The following TPO variants were observed in gnomAD, a reference collection of about 807,000 sequenced individuals.
The protein encoded by TPO is thyroid peroxidase.
TPO carries 78 observed loss-of-function variants against 96.9 expected under a neutral mutation model. The observed-to-expected ratio is 0.81, with a 90% CI of 0.67 to 0.97. TPO has a LOEUF of 0.97. TPO is among the 50% of genes least tolerant of loss of function. The pLI is 0.00. For synonymous variants in TPO, 547 were observed against 538.0 expected (o/e 1.02, Z -0.23); for missense variants, 1,252 against 1,274.8 (o/e 0.98, Z 0.27).
In TPO at chr2:1,496,155, A is replaced by T. The variant is rs732609; in HGVS notation, c.2173A>T (p.Thr725Ser). ...AGACTTTGAGTCTTGTGACAGCATC[A>T]CTGGCATGAACCTGGAGGCCTGGAG... ...PEDFESCDSI[T>S]GMNLEAWRET... Residue 725 changes from threonine (T) to serine (S), a missense_variant, in exon 12 of 17, where the codon ACT becomes TCT. Thr to Ser is a moderately conservative substitution (Grantham distance 58). Coordinates refer to ENST00000329066, the MANE Select transcript of TPO (RefSeq NM_001206744.2). 2 of 1,613,676 alleles carry T rather than the reference A, an allele frequency of 1.2e-6. No homozygotes were observed. The highest frequency in any genetic ancestry group is 2.2e-5 in the South Asian group (2 of 91,040).
chr2:1,398,854 G>T (rs569109160), intron 1 of TPO, among the ~76,000 whole-genome samples: 1 of 152,282 alleles, frequency 6.6e-6, no homozygotes, highest in South Asian at 2.1e-4. Context: ...CTCACCTGCA[G>T]CCATGACCCA....
At chr2:1,497,604 G>A (rs1476691268) in intron 13 of TPO, among the ~76,000 whole-genome samples, 2 of 152,146 alleles carry the variant, frequency 1.3e-5, no homozygotes, top group South Asian at 4.1e-4. Context: ...GGACAGTGGC[G>A]TCAGGGCAGG....
chr2:1,513,639 C>T (rs1674391361), intron 14 of TPO: 1 of 152,076 alleles, frequency 6.6e-6, no homozygotes, highest in South Asian at 2.1e-4. Context: ...TAGAGACATC[C>T]ATAGAGACAC....
At chr2:1,375,268 G>C (rs1477997795) in intron 1 of TPO, among the ~76,000 whole-genome samples, 1 of 152,064 alleles carries the variant, frequency 6.6e-6, no homozygotes, top group Admixed American at 6.6e-5. Flanking sequence ...TGGTGAACTG[G>C]GAAACTCACC....
At chr2:1,513,765 T>C (rs1013658737) in intron 14 of TPO, among the ~76,000 whole-genome samples, 1 of 152,188 alleles carries the variant, frequency 6.6e-6, no homozygotes, top group Non-Finnish European at 1.5e-5. Context: ...ATAACAAATA[T>C]GTAGACATAG....
intron 10 of TPO, 42 bp downstream of exon 10, chr2:1,488,033 C>A (rs776937928): frequency 6.2e-7 from 1 of 1,610,170 alleles, no homozygotes; most frequent in Admixed American, 1.7e-5. Context: ...GCAGCTGCTG[C>A]GGGATTTGCC....
intron 1 of TPO, among the ~76,000 whole-genome samples, chr2:1,387,306 T>C (rs1661919086): frequency 6.6e-6 from 1 of 152,232 alleles, no homozygotes; most frequent in Admixed American, 6.5e-5. Context: ...TGCAGAGTGT[T>C]TTCCAACTTG....
intron 7 of TPO, among the ~76,000 whole-genome samples, chr2:1,474,490 A>G (rs1272419874): frequency 3.9e-5 from 6 of 152,094 alleles, no homozygotes; most frequent in Admixed American, 3.9e-4. Context: ...CATCTTTTCC[A>G]TGGCTGAAAT....
intron 1 of TPO, among the ~76,000 whole-genome samples, chr2:1,387,643 G>T (rs1052205826): frequency 7.9e-5 from 12 of 152,106 alleles, no homozygotes; most frequent in Non-Finnish European, 1.0e-4. Context: ...TAACTTCTTT[G>T]CGATGGGCTC....
At chr2:1,482,312 G>A (rs1670726925) in intron 8 of TPO, among the ~76,000 whole-genome samples, 1 of 152,162 alleles carries the variant, frequency 6.6e-6, no homozygotes, top group Admixed American at 6.5e-5. Flanking sequence ...CATTCCCACT[G>A]GTGAGTTGTG....
In TPO at chr2:1,493,210, G is replaced by GGC. The variant is rs1553321284; in HGVS notation, c.1769-591_1769-590insCG. Among the ~76,000 whole-genome samples, 129 of 65,282 alleles carry GGC rather than the reference G, an allele frequency of 2.0e-3. 8 individuals are homozygous for GGC. Among genetic ancestry groups the GGC allele is most frequent in the Non-Finnish European group, 2.9e-3 (94 of 32,426 alleles). 42.8% of individuals were successfully genotyped at this position (65,282 alleles called of 152,430 possible). A position where few individuals can be genotyped will look rare whatever the true frequency, so the allele number is the denominator to read the frequency against. ...TTTGTGTGTGTGTGTGTGAGTGGGT[G>GGC]GGGGGGGGGGTGCTGGCTTCTGTGT... On this transcript the variant is annotated intron_variant, in intron 10 of 16. Coordinates refer to ENST00000329066, the MANE Select transcript of TPO (RefSeq NM_001206744.2).
chr2:1,380,554 T>C (rs189101092), intron 1 of TPO, among the ~76,000 whole-genome samples: 1 of 152,230 alleles, frequency 6.6e-6, no homozygotes, highest in East Asian at 1.9e-4. Context: ...TGGAAACTCA[T>C]GATGAAAAGA....
intron 3 of TPO, among the ~76,000 whole-genome samples, chr2:1,428,909 G>A (rs1664701073): frequency 6.6e-6 from 1 of 152,164 alleles, no homozygotes; most frequent in African/African-American, 2.4e-5. Context: ...TCTGGGCCGA[G>A]AGTCTCCTGT....
chr2:1,472,871 G>A (rs972660395), intron 7 of TPO, among the ~76,000 whole-genome samples: 4 of 131,146 alleles, frequency 3.1e-5, no homozygotes, highest in Non-Finnish European at 4.6e-5. Context: ...GAGATATTTC[G>A]TTGTTACATT....
intron 3 of TPO, among the ~76,000 whole-genome samples, chr2:1,432,080 G>A (rs948901000): frequency 6.6e-6 from 1 of 152,248 alleles, no homozygotes; most frequent in Non-Finnish European, 1.5e-5. Context: ...GCCCCGCCCT[G>A]CAGGCGACTC....
At chr2:1,405,762 A>G (rs547292526) in intron 1 of TPO, among the ~76,000 whole-genome samples, 5 of 152,196 alleles carry the variant, frequency 3.3e-5, no homozygotes, top group East Asian at 1.9e-4. Flanking sequence ...AGAACATCTT[A>G]TTCATGTTCA....
At chr2:1,515,292 C>T (rs17732233) in intron 14 of TPO, among the ~76,000 whole-genome samples, 43,063 of 152,080 alleles carry the variant, frequency 0.28, 6,396 homozygotes, top group Admixed American at 0.33. Context: ...GCAGGAGGAG[C>T]GGCATCCCAG....
chr2:1,524,547 G>C (rs1291294094), intron 15 of TPO, among the ~76,000 whole-genome samples: 1 of 84,642 alleles, frequency 1.2e-5, no homozygotes, highest in Non-Finnish European at 2.2e-5. Flanking sequence ...TGCAACCTCA[G>C]GTCCCCCACT....
chr2:1,522,137 G>A (rs1164810142), intron 15 of TPO, among the ~76,000 whole-genome samples: 14 of 107,226 alleles, frequency 1.3e-4, no homozygotes, highest in East Asian at 2.6e-4. Context: ...CCCTGCCACC[G>A]TGCCCTTACA....
Sources: gnomAD v4.1 joint callset for allele counts (sites outside exome capture counted in the v4.1 genomes callset) on GRCh38, gnomAD v4.1.1 for gene constraint, MANE v1.5 for transcripts, NCBI Gene and HGNC (gene_info 2026-07-23, HGNC 2026-07-21) for gene names.